PEX16: variants seen among roughly 807,000 people sequenced by gnomAD.
PEX16 encodes peroxisomal biogenesis factor 16.
A neutral mutation model predicts 50.5 loss-of-function variants in PEX16; 37 were observed. The ratio of observed to expected loss-of-function variants is 0.73; its 90% confidence interval spans 0.56 to 0.96. The LOEUF is 0.96. PEX16 is among the 40% of genes least tolerant of loss of function. The pLI is 0.00. For missense variants in PEX16, 401 were observed against 438.3 expected, an observed-to-expected ratio of 0.91 and a Z score of 0.76; for synonymous variants, 185 against 190.3, an observed-to-expected ratio of 0.97 and a Z score of 0.23.
chr11:45,910,997 G>C lies in PEX16; in HGVS notation c.888-35C>G, dbSNP rs185608961. The stretch of plus-strand genomic sequence containing the variant: ...GCAATAAATGGGGAGCAAGCTGAGT[G>C]GGGTGGGGGTGGGTCCCTGCAAACC... On this transcript the variant is annotated intron_variant, in intron 9 of 10. Coordinates refer to ENST00000378750, the MANE Select transcript of PEX16 (RefSeq NM_004813.4). The C allele has an allele frequency of 8.2e-5, 120 of 1,472,324 alleles. No homozygotes were observed. The African/African-American group carries it at 1.2e-3, about 15-fold the overall frequency. 91.2% of individuals were successfully genotyped at this position (1,472,324 alleles called of 1,614,324 possible). A position where few individuals can be genotyped will look rare whatever the true frequency, so the allele number is the denominator to read the frequency against.
intron 2 of PEX16, chr11:45,916,938 G>A: frequency 2.2e-6 from 1 of 446,624 alleles, no homozygotes; most frequent in South Asian, 1.6e-5. Flanking sequence ...CCAAAGTGCT[G>A]GGATTACAAG....
Position 45,914,374 on chromosome 11 carries a change from G to A in PEX16, c.636C>T (p.Pro212=). 6.2e-7 allele frequency: 1 copy of A among 1,610,874 alleles called. No individual in the cohort carries two copies. Among genetic ancestry groups the A allele is most frequent in the Non-Finnish European group, 8.5e-7 (1 of 1,180,000 alleles). Residue 212 remains proline (P), a synonymous_variant, in exon 7 of 11, where the codon CCC becomes CCT. Coordinates refer to ENST00000378750, the MANE Select transcript of PEX16 (RefSeq NM_004813.4). The part of the protein sequence containing the change: ...HHEELSATPT[P]LGLQETIAEF... ...CTGCGATGGTCTCCTGCAGCCCCAG[G>A]GGGGTGGGGGTCGCACTCAGCTCCT...
chr11:45,910,956 C>T lies in PEX16; in HGVS notation c.894G>A (p.Arg298=), dbSNP rs1056666029. 6.2e-7 allele frequency: 1 copy of T among 1,613,148 alleles called. No individual in the cohort carries two copies. The highest frequency in any genetic ancestry group is 1.3e-5 in the African/African-American group (1 of 74,920). ...CCAGCAACTGGAGCAGGAAGAGGAT[C>T]CTGGCCCTGGGGGAGGCAATAAATG... ...SPFYDRFSEA[R]ILFLLQLLAD... is the part of the protein sequence containing the mutation. Residue 298 remains arginine (R), a synonymous_variant, in exon 10 of 11, where the codon AGG becomes AGA. Coordinates refer to ENST00000378750, the MANE Select transcript of PEX16 (RefSeq NM_004813.4).
Position 45,915,566 on chromosome 11 carries a change from G to C in PEX16, c.362C>G (p.Ala121Gly). The change falls in exon 5 of 11, where the codon GCT (alanine) becomes GGT (glycine). Residue 121 changes from alanine (A) to glycine (G), a missense_variant and splice_region_variant. Transcript: ENST00000378750. ...GAGCAGCAGGAGCATCCGCAGTACA[G>C]CCCTGGGTCGGGGAGTATGTCAGGG... ...LVIALVQLAK[A>G]VLRMLLLLWF... 3 of 1,614,050 alleles carry C rather than the reference G, an allele frequency of 1.9e-6. No homozygotes were observed. Among genetic ancestry groups the C allele is most frequent in the Non-Finnish European group, 2.5e-6 (3 of 1,179,942 alleles).
chr11:45,915,735 G>T lies in PEX16; in HGVS notation c.327C>A (p.Arg109=). Residue 109 remains arginine, a synonymous_variant, in exon 4 of 11, where the codon CGC becomes CGA. Coordinates refer to ENST00000378750, the MANE Select transcript of PEX16 (RefSeq NM_004813.4). ...GAAKVWGEVG[R]WLVIALVQLA... The stretch of plus-strand genomic sequence containing the variant: ...GCTGGACGAGGGCGATGACAAGCCA[G>T]CGGCCCACTTCACCCCACACCTTGG... 1 of 1,614,072 alleles carries T rather than the reference G, an allele frequency of 6.2e-7. No homozygotes were observed. The highest frequency in any genetic ancestry group is 8.5e-7 in the Non-Finnish European group (1 of 1,179,992).
rs769052036 is a variant in PEX16, at chr11:45,910,224, C to A, written c.*30G>T. 1.2e-6 allele frequency: 2 copies of A among 1,613,376 alleles called. No homozygotes were observed. The highest frequency in any genetic ancestry group is 1.7e-5 in the Admixed American group (1 of 60,030). ...GGGAAGAGGGGCTCCCTGCCCCACCCCTCCCCACACCCTCCTTCCGGGAGG... is the reference window on the plus strand; with the variant it reads ...GGGAAGAGGGGCTCCCTGCCCCACCACTCCCCACACCCTCCTTCCGGGAGG... On this transcript the variant is annotated 3_prime_UTR_variant, in exon 11 of 11. Coordinates refer to ENST00000378750, the MANE Select transcript of PEX16 (RefSeq NM_004813.4).
intron 10 of PEX16, 118 bp from the exon 11 acceptor site, chr11:45,910,430 C>T: frequency 1.2e-6 from 1 of 826,068 alleles, no homozygotes; most frequent in South Asian, 1.4e-5. Context: ...CTTGCCCTGC[C>T]CCCAGGAGGC....
At chr11:45,910,875 A>G in intron 10 of PEX16, 23 bp downstream of exon 10, 1 of 1,609,848 alleles carries the variant, frequency 6.2e-7, no homozygotes, top group Middle Eastern at 1.7e-4. Flanking sequence ...CACTACAGTC[A>G]TCGCGTCCCC....
rs2086852735 is a variant in PEX16, at chr11:45,917,687, G to A, written c.112+13C>T. 2 of 1,549,248 alleles carry A rather than the reference G, an allele frequency of 1.3e-6. No individual in the cohort carries two copies. The highest frequency in any genetic ancestry group is 1.7e-6 in the Non-Finnish European group (2 of 1,143,892). The stretch of plus-strand genomic sequence containing the variant: ...AGGGCCCAGAAGGAACTGATCAAAG[G>A]TCAGGGTGGCACCTGCCAGCAGGTA... On this transcript the variant is annotated intron_variant, in intron 1 of 10. Coordinates refer to ENST00000378750, the MANE Select transcript of PEX16 (RefSeq NM_004813.4).
In PEX16 at chr11:45,914,592, T is replaced by A. The variant is rs756938526; in HGVS notation, c.541+12A>T. On this transcript the variant is annotated intron_variant, in intron 6 of 10. Transcript: ENST00000378750. ...CACCTAGGTGCCCAGGCCAGCCACA[T>A]CCTCCACTTACTGTTCTGGAGGGTT... The A allele has an allele frequency of 8.7e-6, 14 of 1,613,816 alleles. No homozygotes were observed. The highest frequency in any genetic ancestry group is 1.6e-4 in the Middle Eastern group (1 of 6,062).
Position 45,913,831 on chromosome 11 carries a change from T to C in PEX16, c.875A>G (p.Asp292Gly). Residue 292 changes from aspartate (D) to glycine (G), a missense_variant, in exon 9 of 11, where the codon GAC becomes GGC. Transcript: ENST00000378750. ...CCTGGGTGCTTACTCGGAGAAGCGG[T>C]CATAGAAAGGAGAGCGCAGCAGGTA... ...LYYLLRSPFY[D>G]RFSEARILFL... 1.2e-6 allele frequency: 2 copies of C among 1,613,830 alleles called. No homozygotes were observed. The highest frequency in any genetic ancestry group is 1.7e-6 in the Non-Finnish European group (2 of 1,179,954).
intron 9 of PEX16, among the ~76,000 whole-genome samples, chr11:45,913,006 T>A (rs1429232430): frequency 1.3e-5 from 2 of 150,378 alleles, no homozygotes; most frequent in Admixed American, 6.6e-5. Context: ...TTATTTTTTT[T>A]TTTTTTTTGT....
chr11:45,911,540 G>A (rs925723187), intron 9 of PEX16, among the ~76,000 whole-genome samples: 3 of 152,222 alleles, frequency 2.0e-5, no homozygotes, highest in Admixed American at 6.5e-5. Flanking sequence ...AATACATAGC[G>A]CTACGTGCTT....
upstream of PEX16, chr11:45,918,136 T>G: frequency 2.2e-6 from 1 of 448,388 alleles, no homozygotes. Context: ...TTGGCTGCCC[T>G]TGCGCCTGCG....
chr11:45,914,054 C>T lies in PEX16; in HGVS notation c.767+77G>A, dbSNP rs1318480840. ...GCAACAGGAGGAGCAGGGGCCGCTG[C>T]CACCCCGCCTATGTGAGGCCAGGAT... On this transcript the variant is annotated intron_variant, in intron 8 of 10. Transcript: ENST00000378750. 9 of 1,563,792 alleles carry T rather than the reference C, an allele frequency of 5.8e-6. No individual in the cohort carries two copies. In the Middle Eastern group the frequency reaches 5.3e-4, roughly 92 times the overall value.
At chr11:45,910,374 T>C in intron 10 of PEX16, 62 bp from the exon 11 acceptor site, 2 of 1,363,706 alleles carry the variant, frequency 1.5e-6, no homozygotes, top group African/African-American at 1.4e-5. Context: ...TGGCGCCACA[T>C]ACAGCACCTC....
rs1340915685 is a variant in PEX16, at chr11:45,917,827, G to C, written c.-16C>G. On this transcript the variant is annotated 5_prime_UTR_variant, in exon 1 of 11. Transcript: ENST00000378750. ...GCTTCTCCATCCTGCCCTCGGCACC[G>C]ACAGACCCACAGAAGGACCGTACGA... 9 of 1,510,408 alleles carry C rather than the reference G, an allele frequency of 6.0e-6. No homozygotes were observed. Among genetic ancestry groups the C allele is most frequent in the Middle Eastern group, 1.8e-4 (1 of 5,470 alleles). 93.6% of individuals were successfully genotyped at this position (1,510,408 alleles called of 1,614,324 possible). A position where few individuals can be genotyped will look rare whatever the true frequency, so the allele number is the denominator to read the frequency against.
intron 9 of PEX16, 136 bp downstream of exon 9, chr11:45,913,683 G>T: frequency 1.0e-6 from 1 of 997,342 alleles, no homozygotes; most frequent in Non-Finnish European, 1.5e-6. Context: ...GGCATCTGGT[G>T]ACTGCCACCC....
At chr11:45,917,964 G>A, upstream of PEX16, 2 of 701,526 alleles carry the variant, frequency 2.9e-6, no homozygotes, top group East Asian at 5.4e-5. Context: ...AAGAACCGGT[G>A]AACCACCCTT....
Sources: allele counts gnomAD v4.1 joint callset (sites outside exome capture counted in the v4.1 genomes callset), GRCh38; gene constraint gnomAD v4.1.1; transcripts MANE v1.5; gene names NCBI Gene and HGNC (gene_info 2026-07-23, HGNC 2026-07-21).